The following TERB1 variants were observed in gnomAD, a reference collection of about 807,000 sequenced individuals.
TERB1 encodes telomere repeats-binding bouquet formation protein 1.
In TERB1, 63 loss-of-function variants were observed where a neutral mutation model predicts 92.3. The observed-to-expected ratio is 0.68, with a 90% CI of 0.56 to 0.84. The LOEUF is 0.84. Ranked by LOEUF, TERB1 falls within the 40% of genes least tolerant of loss-of-function variation. The probability of loss-of-function intolerance (pLI) is 0.00; values close to 1 mark genes in which losing one functional copy is unlikely to be tolerated. For missense variants in TERB1, 709 were observed against 843.7 expected (o/e 0.84, Z 1.98); for synonymous variants, 252 against 283.9 (o/e 0.89, Z 1.13).
intron 2 of TERB1, among the ~76,000 whole-genome samples, chr16:66,799,803 A>C (rs1276080678): frequency 6.6e-6 from 1 of 152,222 alleles, no homozygotes. Context: ...TCTCAAGAAC[A>C]AAAGCATCTG....
In TERB1 at chr16:66,790,469, G is replaced by A. The variant is rs1173321616; in HGVS notation, c.271+126C>T. On this transcript the variant is annotated intron_variant, in intron 5 of 18. Transcript: ENST00000433154. Reference sequence around the variant, plus strand: ...AGAAAGGAAGGGAGGGGGGAAGGAGGCTAGATAAAATTATTCAAACATGTA... The same window carrying A: ...AGAAAGGAAGGGAGGGGGGAAGGAGACTAGATAAAATTATTCAAACATGTA... The A allele has an allele frequency of 8.1e-6, 5 of 621,096 alleles. No homozygotes were observed. In the East Asian group the frequency reaches 1.6e-4, roughly 19 times the overall value. The allele number at this position is 621,096 out of a possible 1,614,324, so 38.5% of individuals were successfully genotyped here. A position where few individuals can be genotyped will look rare whatever the true frequency, so the allele number is the denominator to read the frequency against.
In TERB1 at chr16:66,785,845, G is replaced by A. The variant is rs187027418; in HGVS notation, c.641C>T (p.Thr214Met). 1.1e-4 allele frequency: 176 copies of A among 1,549,052 alleles called. No individual in the cohort carries two copies. Among genetic ancestry groups the A allele is most frequent in the Middle Eastern group, 1.7e-4 (1 of 5,982 alleles). Residue 214 changes from threonine to methionine, a missense_variant, in exon 9 of 19, where the codon ACG (threonine) becomes ATG (methionine). Coordinates refer to ENST00000433154, the MANE Select transcript of TERB1 (RefSeq NM_001136505.2). ...PHANEWLKNCTTPEIIRPICS... is the reference protein window; with the variant it reads ...PHANEWLKNCMTPEIIRPICS... ...AATAGGGCGAATTATCTCAGGTGTCGTGCAATTTTTTAGCCATTCATTAGC... is the reference window on the plus strand; with the variant it reads ...AATAGGGCGAATTATCTCAGGTGTCATGCAATTTTTTAGCCATTCATTAGC...
intron 9 of TERB1, among the ~76,000 whole-genome samples, chr16:66,783,396 TCTTGCATTCCTG>T: frequency 6.6e-6 from 1 of 152,234 alleles, no homozygotes; most frequent in East Asian, 1.9e-4. Context: ...GTTAAACCAG[TCTTGCATTCCTG>T]GGATACACGC....
chr16:66,755,650 CTG>C (rs1464388515), intron 18 of TERB1, among the ~76,000 whole-genome samples: 1 of 152,100 alleles, frequency 6.6e-6, no homozygotes, highest in Non-Finnish European at 1.5e-5. Flanking sequence ...TGGCACGTGA[CTG>C]TAGTCCCAGC....
chr16:66,774,107 T>G (rs1051469079), intron 12 of TERB1, among the ~76,000 whole-genome samples: 1 of 149,964 alleles, frequency 6.7e-6, no homozygotes, highest in Admixed American at 6.7e-5. Context: ...GGTCTTGAAC[T>G]CCTGACCTCG....
At chr16:66,778,604 G>C (rs1300332145) in intron 10 of TERB1, among the ~76,000 whole-genome samples, 1 of 152,066 alleles carries the variant, frequency 6.6e-6, no homozygotes, top group Admixed American at 6.6e-5. Context: ...TTTTAGTAGA[G>C]ATTAGGTTTC....
intron 2 of TERB1, among the ~76,000 whole-genome samples, chr16:66,799,375 G>C (rs1398736846): frequency 6.6e-6 from 1 of 151,922 alleles, no homozygotes. Flanking sequence ...TTACAGGCAC[G>C]CACCACCATG....
intron 16 of TERB1, among the ~76,000 whole-genome samples, chr16:66,765,548 C>T (rs2018325285): frequency 1.3e-5 from 2 of 151,656 alleles, no homozygotes; most frequent in Non-Finnish European, 2.9e-5. Flanking sequence ...ACCTCTGCCT[C>T]CCAGGTTCAA....
Position 66,796,838 on chromosome 16 carries a change from A to G in TERB1, c.-32-8T>C. ...TTTTTCCTTATATTTTGTCTATAAG[A>G]TAAAGGTATTTTCTCAATTTAAATC... On this transcript the variant is annotated splice_polypyrimidine_tract_variant and splice_region_variant and intron_variant, in intron 2 of 18. Coordinates refer to ENST00000433154, the MANE Select transcript of TERB1 (RefSeq NM_001136505.2). The G allele has an allele frequency of 7.4e-7, 1 of 1,359,278 alleles. No individual in the cohort carries two copies. The highest frequency in any genetic ancestry group is 1.0e-6 in the Non-Finnish European group (1 of 975,640). The allele number at this position is 1,359,278 out of a possible 1,614,324, so 84.2% of individuals were successfully genotyped here.
In TERB1 at chr16:66,758,799, T is replaced by C. The variant is rs1189033826; in HGVS notation, c.1970A>G (p.Asn657Ser). 6 of 1,536,762 alleles carry C rather than the reference T, an allele frequency of 3.9e-6. No individual in the cohort carries two copies. Among genetic ancestry groups the C allele is most frequent in the Non-Finnish European group, 4.4e-6 (5 of 1,138,554 alleles). ...LTPRRRQRLS[N>S]ESTTPGGIKK... ...TATTCCTCCAGGGGTAGTAGATTCA[T>C]TACTGAGTCGTTGTCTTCTACGTGG... is the stretch of plus-strand genomic sequence containing the variant. The change falls in exon 18 of 19, where the codon AAT becomes AGT. Residue 657 changes from asparagine to serine, a missense_variant. Coordinates refer to ENST00000433154, the MANE Select transcript of TERB1 (RefSeq NM_001136505.2).
At position 66,779,797 on chromosome 16, in the gene TERB1, T is replaced by C. The variant is rs140605807; in HGVS notation, c.701-782A>G. On this transcript the variant is annotated intron_variant, in intron 9 of 18. Transcript: ENST00000433154. ...TCAAGATGCAAAGTAATTTAACCGT[T>C]CTAAAAGAGCATACATCTCATCCAT... 4.6e-5 allele frequency among the ~76,000 whole-genome samples: 7 copies of C among 152,324 alleles called. No homozygotes were observed. In the East Asian group the frequency reaches 1.4e-3, roughly 29 times the overall value.
At chr16:66,755,259 G>T in intron 18 of TERB1, 96 bp from the exon 19 acceptor site, 1 of 743,042 alleles carries the variant, frequency 1.3e-6, no homozygotes, top group Non-Finnish European at 2.2e-6. Flanking sequence ...TTATACCTAA[G>T]GATATAAACT....
chr16:66,765,172 G>A (rs80042584), intron 16 of TERB1, among the ~76,000 whole-genome samples: 2 of 152,272 alleles, frequency 1.3e-5, no homozygotes, highest in African/African-American at 2.4e-5. Context: ...TGAATGAATG[G>A]TAACTAGGGG....
intron 14 of TERB1, among the ~76,000 whole-genome samples, chr16:66,768,867 G>A (rs2018394544): frequency 6.6e-6 from 1 of 152,148 alleles, no homozygotes; most frequent in Admixed American, 6.6e-5. Flanking sequence ...ATTTTAGGAG[G>A]CTGAGGCGGG....
intron 16 of TERB1, among the ~76,000 whole-genome samples, chr16:66,764,160 G>C (rs2018299375): frequency 6.6e-6 from 1 of 152,168 alleles, no homozygotes; most frequent in South Asian, 2.1e-4. Flanking sequence ...TTGTCTTGTA[G>C]AAAGGGCACC....
chr16:66,760,345 G>A (rs540425713), intron 16 of TERB1, among the ~76,000 whole-genome samples: 1 of 142,286 alleles, frequency 7.0e-6, no homozygotes, highest in Non-Finnish European at 1.5e-5. Flanking sequence ...TGTAGTCCCA[G>A]CTACTTGGGA....
At chr16:66,785,944 A>G in intron 8 of TERB1, 36 bp from the exon 9 acceptor site, 1 of 1,529,752 alleles carries the variant, frequency 6.5e-7, no homozygotes, top group Non-Finnish European at 8.8e-7. Context: ...ATTTAATATG[A>G]CAATTGGAAA....
Position 66,770,151 on chromosome 16 carries a change from G to A in TERB1, c.1431C>T (p.Ser477=). The change falls in exon 14 of 19, where the codon TCC becomes TCT. Residue 477 remains serine, a synonymous_variant. Transcript: ENST00000433154. ...SHSRQLQSYK[S]HGVMSKACTN... ...TACATGCTTTAGACATGACTCCATG[G>A]GACTTATAACTCTGTAACTGTCTAG... 2 of 1,552,134 alleles carry A rather than the reference G, an allele frequency of 1.3e-6. No individual in the cohort carries two copies. Among genetic ancestry groups the A allele is most frequent in the Non-Finnish European group, 8.7e-7 (1 of 1,147,102 alleles).
At chr16:66,769,253 G>A (rs1420862928) in intron 14 of TERB1, among the ~76,000 whole-genome samples, 1 of 152,154 alleles carries the variant, frequency 6.6e-6, no homozygotes, top group Non-Finnish European at 1.5e-5. Context: ...CCATACCTGA[G>A]CAATCAAGTT....
Sources: allele counts gnomAD v4.1 joint callset (sites outside exome capture counted in the v4.1 genomes callset), GRCh38; gene constraint gnomAD v4.1.1; transcripts MANE v1.5; gene names NCBI Gene and HGNC (gene_info 2026-07-23, HGNC 2026-07-21).